The following CTNNA3 variants were observed in gnomAD, a reference collection of about 807,000 sequenced individuals.
The protein encoded by CTNNA3 is catenin alpha-3.
A neutral mutation model predicts 95.7 loss-of-function variants in CTNNA3; 76 were observed. The observed-to-expected ratio is 0.79, with a 90% confidence interval of 0.66 to 0.96. The LOEUF (loss-of-function observed/expected upper bound fraction) is 0.96. CTNNA3 is among the 40% of genes least tolerant of loss of function. The pLI is 0.00. For missense variants in CTNNA3, 1,191 were observed against 1,089.8 expected, an observed-to-expected ratio of 1.09 and a Z score of -1.31; for synonymous variants, 431 against 374.4, an observed-to-expected ratio of 1.15 and a Z score of -1.74.
intron 7 of CTNNA3, among the ~76,000 whole-genome samples, chr10:66,782,496 T>C (rs1589249592): frequency 6.6e-6 from 1 of 152,210 alleles, no homozygotes; most frequent in African/African-American, 2.4e-5. Flanking sequence ...AATTTTGCTA[T>C]AAAAATTTAA....
chr10:67,113,972 A>C (rs1441223956), intron 7 of CTNNA3, among the ~76,000 whole-genome samples: 1 of 151,996 alleles, frequency 6.6e-6, no homozygotes, highest in Non-Finnish European at 1.5e-5. Context: ...AGTCCCAGCT[A>C]CTCAGGAGGC....
intron 7 of CTNNA3, among the ~76,000 whole-genome samples, chr10:67,168,795 AG>A (rs1392924895): frequency 6.6e-6 from 1 of 152,222 alleles, no homozygotes; most frequent in African/African-American, 2.4e-5. Flanking sequence ...ATCACGCAAG[AG>A]AAAGAAATAA....
At chr10:66,335,949 C>G (rs957786200) in intron 12 of CTNNA3, among the ~76,000 whole-genome samples, 1 of 152,120 alleles carries the variant, frequency 6.6e-6, no homozygotes, top group East Asian at 1.9e-4. Context: ...CCTCCTCCAG[C>G]CTTGCTGCTG....
chr10:66,087,947 T>C (rs919483266), intron 14 of CTNNA3, among the ~76,000 whole-genome samples: 1 of 152,118 alleles, frequency 6.6e-6, no homozygotes, highest in African/African-American at 2.4e-5. Context: ...CAGTGGGCTT[T>C]AATAATGTAT....
At chr10:65,975,941 T>A (rs577524889) in intron 16 of CTNNA3, among the ~76,000 whole-genome samples, 2 of 152,288 alleles carry the variant, frequency 1.3e-5, no homozygotes, top group African/African-American at 4.8e-5. Flanking sequence ...TAAAGTGTTT[T>A]ATCTGTCATC....
At chr10:67,030,318 T>C (rs1329866810) in intron 7 of CTNNA3, among the ~76,000 whole-genome samples, 1 of 152,194 alleles carries the variant, frequency 6.6e-6, no homozygotes, top group Non-Finnish European at 1.5e-5. Context: ...AATCTGCATA[T>C]GCTATCATTT....
intron 13 of CTNNA3, among the ~76,000 whole-genome samples, chr10:66,177,379 A>C (rs1410457650): frequency 6.6e-6 from 1 of 152,030 alleles, no homozygotes; most frequent in Non-Finnish European, 1.5e-5. Flanking sequence ...AATGAGTAGA[A>C]ACATACATCT....
intron 15 of CTNNA3, among the ~76,000 whole-genome samples, chr10:66,013,061 T>C (rs1375665307): frequency 2.0e-5 from 3 of 152,146 alleles, no homozygotes; most frequent in African/African-American, 7.2e-5. Flanking sequence ...CCATGACACC[T>C]GGCTAATTTT....
intron 7 of CTNNA3, among the ~76,000 whole-genome samples, chr10:66,900,615 GA>G (rs769446218): frequency 6.6e-6 from 1 of 151,466 alleles, no homozygotes; most frequent in Non-Finnish European, 1.5e-5. Context: ...GGAAGGATTA[GA>G]AAAAAAACCT....
chr10:66,113,466 C>CAA (rs1398193908), intron 13 of CTNNA3, among the ~76,000 whole-genome samples: 1 of 152,066 alleles, frequency 6.6e-6, no homozygotes, highest in Non-Finnish European at 1.5e-5. Flanking sequence ...AAACTTCTTA[C>CAA]AACATAAGGC....
chr10:66,434,457 G>T (rs926771002), intron 11 of CTNNA3, among the ~76,000 whole-genome samples: 2 of 152,072 alleles, frequency 1.3e-5, no homozygotes, highest in Admixed American at 1.3e-4. Flanking sequence ...TCTATTATAG[G>T]TGTATAGGAA....
intron 5 of CTNNA3, among the ~76,000 whole-genome samples, chr10:67,343,547 T>C (rs1017093594): frequency 2.0e-5 from 3 of 152,194 alleles, no homozygotes; most frequent in African/African-American, 7.2e-5. Flanking sequence ...TTAATATTTT[T>C]TCATATTGTT....
chr10:66,758,343 A>G (rs998556070), intron 9 of CTNNA3, among the ~76,000 whole-genome samples: 1 of 152,234 alleles, frequency 6.6e-6, no homozygotes, highest in African/African-American at 2.4e-5. Flanking sequence ...CAAAAATGGA[A>G]TGAGGCTTTA....
At position 67,133,366 on chromosome 10, in the gene CTNNA3, C is replaced by CAT. The variant is rs1554928733; in HGVS notation, c.1047+46949_1047+46950dup. Among the ~76,000 whole-genome samples the CAT allele has an allele frequency of 4.8e-4, 60 of 124,584 alleles. 3 individuals are homozygous for CAT. Among genetic ancestry groups the CAT allele is most frequent in the South Asian group, 1.1e-3 (4 of 3,670 alleles). 81.7% of individuals were successfully genotyped at this position (124,584 alleles called of 152,430 possible). ...ACAATGGTAGATACATACATACATA[C>CAT]ATATATATATATACACACACACACA... On this transcript the variant is annotated intron_variant, in intron 7 of 17. Transcript: ENST00000433211.
chr10:67,577,635 T>A (rs1327039994), intron 3 of CTNNA3, among the ~76,000 whole-genome samples: 1 of 151,952 alleles, frequency 6.6e-6, no homozygotes, highest in Admixed American at 6.6e-5. Flanking sequence ...AGGTTTTGTA[T>A]ATATATGTAT....
chr10:66,235,397 A>G (rs1222278539), intron 13 of CTNNA3, among the ~76,000 whole-genome samples: 1 of 151,034 alleles, frequency 6.6e-6, no homozygotes, highest in Non-Finnish European at 1.5e-5. Flanking sequence ...TTAATATTCT[A>G]TTACATATAA....
chr10:67,288,733 G>A (rs1839704956), intron 5 of CTNNA3, among the ~76,000 whole-genome samples: 1 of 152,152 alleles, frequency 6.6e-6, no homozygotes, highest in Non-Finnish European at 1.5e-5. Flanking sequence ...CTTGTGACCT[G>A]CTCAAATTCT....
chr10:67,756,607 T>C (rs1030802429), intron 1 of CTNNA3, among the ~76,000 whole-genome samples: 6 of 152,226 alleles, frequency 3.9e-5, no homozygotes, highest in Admixed American at 6.5e-5. Flanking sequence ...TATTATATAA[T>C]TCTATTTACA....
intron 15 of CTNNA3, among the ~76,000 whole-genome samples, chr10:66,063,147 CT>C (rs1279022646): frequency 1.3e-5 from 2 of 150,448 alleles, no homozygotes; most frequent in African/African-American, 4.9e-5. Context: ...ATATATCCTT[CT>C]TAGTAGTTTC....
Sources: allele counts gnomAD v4.1 joint callset (sites outside exome capture counted in the v4.1 genomes callset), GRCh38; gene constraint gnomAD v4.1.1; transcripts MANE v1.5; gene names NCBI Gene and HGNC (gene_info 2026-07-23, HGNC 2026-07-21).